The following KHDRBS2 variants were observed in gnomAD, a reference collection of about 807,000 sequenced individuals.
KHDRBS2 encodes the protein KH RNA binding domain containing, signal transduction associated 2, also known as KH domain-containing, RNA-binding, signal transduction-associated protein 2.
Under a neutral mutation model 44.3 loss-of-function variants are expected in KHDRBS2, and 26 were observed. The ratio of observed to expected loss-of-function variants is 0.59; its 90% CI spans 0.43 to 0.81. KHDRBS2 has a LOEUF of 0.81. Ranked by LOEUF, KHDRBS2 falls within the 40% of genes least tolerant of loss-of-function variation. KHDRBS2 has a pLI of 0.00. For synonymous variants in KHDRBS2, 194 were observed against 151.1 expected, an observed-to-expected ratio of 1.28 and a Z score of -2.08; for missense variants, 476 against 433.1, an observed-to-expected ratio of 1.10 and a Z score of -0.88.
intron 4 of KHDRBS2, among the ~76,000 whole-genome samples, chr6:61,945,700 C>T (rs1317917182): frequency 2.0e-5 from 3 of 151,350 alleles, no homozygotes; most frequent in Non-Finnish European, 4.4e-5. Flanking sequence ...GCCAAAAACA[C>T]CTTTCAAAGT....
At chr6:61,663,843 A>G in the KHDRBS2 span, among the ~76,000 whole-genome samples, 42 of 151,808 alleles carry the variant, frequency 2.8e-4, no homozygotes, top group Admixed American at 9.2e-4. Flanking sequence ...CTCAACTACT[A>G]TTAAAAATTC....
At chr6:61,841,186 A>T (rs1793541123) in intron 6 of KHDRBS2, among the ~76,000 whole-genome samples, 1 of 152,118 alleles carries the variant, frequency 6.6e-6, no homozygotes, top group Admixed American at 6.6e-5. Context: ...ATTCATTTTC[A>T]ACTTACTCTT....
At position 62,093,011 on chromosome 6, in the gene KHDRBS2, A is replaced by T. The variant is rs558111505; in HGVS notation, c.220-45017T>A. On this transcript the variant is annotated intron_variant, in intron 2 of 8. Coordinates refer to ENST00000281156, the MANE Select transcript of KHDRBS2 (RefSeq NM_152688.4). ...TATTTAATACTGGGAAATCAATGGA[A>T]AGATAAGCATTTTATGTTACTTATT... 2.0e-5 allele frequency among the ~76,000 whole-genome samples: 3 copies of T among 152,148 alleles called. No homozygotes were observed. In the East Asian group the frequency reaches 5.8e-4, roughly 29 times the overall value.
At chr6:62,142,237 A>T (rs564172747) in intron 2 of KHDRBS2, among the ~76,000 whole-genome samples, 16 of 152,172 alleles carry the variant, frequency 1.1e-4, no homozygotes, top group African/African-American at 3.9e-4. Flanking sequence ...GGTGAAGAGG[A>T]TATAAAATTG....
chr6:62,188,758 A>T (rs552042560), intron 1 of KHDRBS2, among the ~76,000 whole-genome samples: 2 of 152,286 alleles, frequency 1.3e-5, no homozygotes, highest in African/African-American at 4.8e-5. Context: ...CAGAAAGTCT[A>T]CCACTTCTGA....
intron 2 of KHDRBS2, among the ~76,000 whole-genome samples, chr6:62,106,269 G>A (rs971371201): frequency 1.3e-5 from 2 of 152,158 alleles, no homozygotes; most frequent in Non-Finnish European, 2.9e-5. Flanking sequence ...ATTTGGGGTG[G>A]AGAGTTCTGT....
At chr6:61,712,011 T>C (rs1488891021) in intron 7 of KHDRBS2, among the ~76,000 whole-genome samples, 2 of 151,808 alleles carry the variant, frequency 1.3e-5, no homozygotes, top group Admixed American at 6.6e-5. Context: ...TGCAAAGAGC[T>C]GGGCTTGGCA....
At chr6:62,205,177 G>A (rs1216144515) in intron 1 of KHDRBS2, among the ~76,000 whole-genome samples, 1 of 151,982 alleles carries the variant, frequency 6.6e-6, no homozygotes, top group Non-Finnish European at 1.5e-5. Context: ...TGGAATTTAG[G>A]GAATTGGCAC....
At chr6:61,696,493 G>A (rs1253871424) in intron 8 of KHDRBS2, among the ~76,000 whole-genome samples, 1 of 151,788 alleles carries the variant, frequency 6.6e-6, no homozygotes, top group African/African-American at 2.4e-5. Flanking sequence ...TCCTGATCTC[G>A]TGATCCGCCC....
At chr6:62,060,413 T>C (rs1394733453) in intron 2 of KHDRBS2, among the ~76,000 whole-genome samples, 1 of 151,550 alleles carries the variant, frequency 6.6e-6, no homozygotes, top group East Asian at 2.0e-4. Flanking sequence ...CCTATAGAAA[T>C]CTGGAAACCA....
chr6:61,907,644 C>A (rs1469993760), intron 4 of KHDRBS2, among the ~76,000 whole-genome samples: 1 of 152,156 alleles, frequency 6.6e-6, no homozygotes, highest in African/African-American at 2.4e-5. Flanking sequence ...GTTTTCCCAG[C>A]AACATTTATT....
At chr6:62,153,339 T>C (rs915120926) in intron 2 of KHDRBS2, among the ~76,000 whole-genome samples, 3 of 151,504 alleles carry the variant, frequency 2.0e-5, no homozygotes, top group Admixed American at 1.3e-4. Context: ...CAGTTAGTAA[T>C]AAAGAAAAAA....
At chr6:62,262,796 C>A (rs1345326704) in intron 1 of KHDRBS2, among the ~76,000 whole-genome samples, 1 of 151,528 alleles carries the variant, frequency 6.6e-6, no homozygotes, top group Non-Finnish European at 1.5e-5. Flanking sequence ...ATGAAAGTAT[C>A]CACAAGTATG....
At chr6:62,125,736 C>T (rs1288412088) in intron 2 of KHDRBS2, among the ~76,000 whole-genome samples, 3 of 152,072 alleles carry the variant, frequency 2.0e-5, no homozygotes, top group South Asian at 2.1e-4. Context: ...TAGACATACC[C>T]CAGGCCAGGA....
intron 6 of KHDRBS2, among the ~76,000 whole-genome samples, chr6:61,750,671 C>T (rs1452324141): frequency 6.6e-6 from 1 of 151,568 alleles, no homozygotes; most frequent in East Asian, 1.9e-4. Flanking sequence ...ATCTTGTTTT[C>T]AACTTTCTTT....
At chr6:61,733,764 A>T (rs1582479259) in intron 6 of KHDRBS2, among the ~76,000 whole-genome samples, 1 of 152,318 alleles carries the variant, frequency 6.6e-6, no homozygotes, top group African/African-American at 2.4e-5. Flanking sequence ...TATACACTCC[A>T]GTTATCAATC....
chr6:62,177,325 C>T lies in KHDRBS2; in HGVS notation c.92-13G>A. 1 of 1,575,454 alleles carries T rather than the reference C, an allele frequency of 6.3e-7. No homozygotes were observed. The highest frequency in any genetic ancestry group is 8.7e-7 in the Non-Finnish European group (1 of 1,155,844). Reference sequence around the variant, plus strand: ...AACTTTTCAATTTCTGGAAGAAAATCACAAGAAGAAAACAAGTGAAATGAG... The same window carrying T: ...AACTTTTCAATTTCTGGAAGAAAATTACAAGAAGAAAACAAGTGAAATGAG... On this transcript the variant is annotated splice_polypyrimidine_tract_variant and intron_variant, in intron 1 of 8. Coordinates refer to ENST00000281156, the MANE Select transcript of KHDRBS2 (RefSeq NM_152688.4).
chr6:62,186,742 G>A (rs964524019), intron 1 of KHDRBS2, among the ~76,000 whole-genome samples: 2 of 151,974 alleles, frequency 1.3e-5, no homozygotes, highest in Admixed American at 1.3e-4. Context: ...CTCACAAAAG[G>A]CAAGAGTTAA....
chr6:61,771,417 T>G (rs2127576690), intron 6 of KHDRBS2, among the ~76,000 whole-genome samples: 2 of 152,276 alleles, frequency 1.3e-5, no homozygotes, highest in South Asian at 4.1e-4. Flanking sequence ...TCAAGACTCA[T>G]CAGTGTGCTG....
Sources: gnomAD v4.1 joint callset for allele counts (sites outside exome capture counted in the v4.1 genomes callset) on GRCh38, gnomAD v4.1.1 for gene constraint, MANE v1.5 for transcripts, NCBI Gene and HGNC (gene_info 2026-07-23, HGNC 2026-07-21) for gene names.